The following GUCY1B1 variants were observed in gnomAD, a reference collection of about 807,000 sequenced individuals.
The protein encoded by GUCY1B1 is guanylate cyclase soluble subunit beta-1.
A neutral mutation model predicts 71.0 loss-of-function variants in GUCY1B1; 43 were observed. That is an observed-to-expected ratio of 0.61 (90% CI 0.47 to 0.78). The LOEUF is 0.78. Ranked by LOEUF, GUCY1B1 falls within the 30% of genes least tolerant of loss-of-function variation. The pLI is 0.00. For missense variants in GUCY1B1, 535 were observed against 754.1 expected (o/e 0.71, Z 3.40); for synonymous variants, 266 against 259.7 (o/e 1.02, Z -0.23).
At chr4:155,789,346 C>T (rs1181238280) in intron 4 of GUCY1B1, among the ~76,000 whole-genome samples, 2 of 152,126 alleles carry the variant, frequency 1.3e-5, no homozygotes, top group African/African-American at 4.8e-5. Flanking sequence ...TTGGCCATTC[C>T]CTGTTGTTGA....
chr4:155,802,971 GAGA>G lies in GUCY1B1; in HGVS notation c.1413+395_1413+397del, dbSNP rs759753221. Among the ~76,000 whole-genome samples the G allele has an allele frequency of 5.3e-5, 8 of 152,324 alleles. No homozygotes were observed. The highest frequency in any genetic ancestry group is 6.5e-5 in the Admixed American group (1 of 15,300). ...GTACAGTAAAGAAGTCATGAAGCAT[GAGA>G]AGGACTCAGATTTGCGTTTAGATAA... On this transcript the variant is annotated intron_variant, in intron 10 of 13. Transcript: ENST00000264424. This position sits in a 1 kb window ranked among gnomAD's most constrained non-coding sequence, Gnocchi z 4.3.
At chr4:155,801,098 T>C (rs1322848461) in intron 9 of GUCY1B1, among the ~76,000 whole-genome samples, 1 of 152,218 alleles carries the variant, frequency 6.6e-6, no homozygotes, top group Non-Finnish European at 1.5e-5. Flanking sequence ...CTTCTTTTCC[T>C]AAATTGTCAG....
chr4:155,772,906 A>G (rs1737790809), intron 2 of GUCY1B1, among the ~76,000 whole-genome samples: 1 of 152,250 alleles, frequency 6.6e-6, no homozygotes. Flanking sequence ...TTTTAAGACT[A>G]TCTGCATACT....
chr4:155,787,502 T>C (rs1419519903), intron 4 of GUCY1B1, among the ~76,000 whole-genome samples: 3 of 152,200 alleles, frequency 2.0e-5, no homozygotes, highest in East Asian at 1.9e-4. Flanking sequence ...CATCTTCAGT[T>C]TGAAGTATTT....
At chr4:155,779,464 G>T (rs1450844224) in intron 4 of GUCY1B1, among the ~76,000 whole-genome samples, 1 of 151,978 alleles carries the variant, frequency 6.6e-6, no homozygotes, top group African/African-American at 2.4e-5. Context: ...GATATATTTG[G>T]TTATATAAAA....
chr4:155,800,870 C>T (rs563516699), intron 9 of GUCY1B1, among the ~76,000 whole-genome samples: 1 of 152,180 alleles, frequency 6.6e-6, no homozygotes, highest in South Asian at 2.1e-4. Flanking sequence ...TTAGGACTAA[C>T]GTTCAAAGTC....
At chr4:155,772,465 A>ATC in intron 2 of GUCY1B1, 1 of 391,924 alleles carries the variant, frequency 2.6e-6, no homozygotes. Flanking sequence ...CCCAGGCTGA[A>ATC]ATGCAGTGGC....
intron 2 of GUCY1B1, among the ~76,000 whole-genome samples, chr4:155,761,294 A>G (rs1328391416): frequency 6.6e-6 from 1 of 152,208 alleles, no homozygotes; most frequent in Non-Finnish European, 1.5e-5. Flanking sequence ...TGTTAACAGT[A>G]TAACTTAACT....
At chr4:155,801,831 A>G (rs1222965902) in intron 9 of GUCY1B1, among the ~76,000 whole-genome samples, 1 of 152,152 alleles carries the variant, frequency 6.6e-6, no homozygotes, top group African/African-American at 2.4e-5. Context: ...AGTTTCTTCT[A>G]TGGAGGAGTG....
Position 155,800,060 on chromosome 4 carries a change from GA to G in GUCY1B1, c.1166del (p.Lys389ArgfsTer32). 1 of 1,607,828 alleles carries G rather than the reference GA, an allele frequency of 6.2e-7. No individual in the cohort carries two copies. The highest frequency in any genetic ancestry group is 1.7e-5 in the Admixed American group (1 of 59,244). On this transcript the variant is annotated frameshift_variant, in exon 9 of 14. Transcript: ENST00000264424. LOFTEE classifies it high-confidence loss of function. ...CGTTAAGAGCCCTGGAAGATGAAAAGAAAAAGACAGACACGTAAGAATGTAA... is the reference window on the plus strand; with the variant it reads ...CGTTAAGAGCCCTGGAAGATGAAAAGAAAAGACAGACACGTAAGAATGTAA... ...LTLRALEDEK[K>X]KTDTLLYSVL...
At chr4:155,782,220 C>T (rs1342350792) in intron 4 of GUCY1B1, among the ~76,000 whole-genome samples, 2 of 152,092 alleles carry the variant, frequency 1.3e-5, no homozygotes, top group Non-Finnish European at 2.9e-5. Flanking sequence ...GGACTACAGG[C>T]GCCCGCCACC....
At chr4:155,800,435 T>C (rs1739864586) in intron 9 of GUCY1B1, among the ~76,000 whole-genome samples, 1 of 152,222 alleles carries the variant, frequency 6.6e-6, no homozygotes, top group African/African-American at 2.4e-5. Flanking sequence ...TTCAGTATGC[T>C]GGGGGCTGCC....
intron 2 of GUCY1B1, among the ~76,000 whole-genome samples, chr4:155,761,708 C>T (rs977140371): frequency 1.3e-5 from 2 of 152,172 alleles, no homozygotes; most frequent in African/African-American, 4.8e-5. Flanking sequence ...TCTGCAAAAT[C>T]AAGCTGAGAA....
chr4:155,777,654 G>C lies in GUCY1B1; in HGVS notation c.297+12G>C, dbSNP rs757588342. 2.8e-5 allele frequency: 35 copies of C among 1,262,756 alleles called. No homozygotes were observed. The highest frequency in any genetic ancestry group is 2.4e-4 in the Admixed American group (14 of 59,520). The allele number at this position is 1,262,756 out of a possible 1,614,324, so 78.2% of individuals were successfully genotyped here. A position where few individuals can be genotyped will look rare whatever the true frequency, so the allele number is the denominator to read the frequency against. ...GAGAATTTCTACAGGTAAGCAATTT[G>C]AGGTCCTATAGTTAAAAGTTCTGTG... On this transcript the variant is annotated intron_variant, in intron 4 of 13. Coordinates refer to ENST00000264424, the MANE Select transcript of GUCY1B1 (RefSeq NM_000857.5).
chr4:155,772,833 T>A (rs997711531), intron 2 of GUCY1B1: 27 of 689,506 alleles, frequency 3.9e-5, no homozygotes, highest in East Asian at 1.1e-4. Flanking sequence ...AACATGCTTT[T>A]AAAAAAAAAG....
intron 4 of GUCY1B1, among the ~76,000 whole-genome samples, chr4:155,784,805 A>C (rs1395598197): frequency 6.6e-6 from 1 of 152,204 alleles, no homozygotes. Context: ...CAGGAAAATC[A>C]GGTAGTTGAC....
intron 2 of GUCY1B1, among the ~76,000 whole-genome samples, chr4:155,771,743 A>G (rs1168227426): frequency 6.6e-6 from 1 of 152,194 alleles, no homozygotes; most frequent in African/African-American, 2.4e-5. Context: ...AGAAGCTATA[A>G]AGATATTCAT....
intron 2 of GUCY1B1, among the ~76,000 whole-genome samples, chr4:155,769,932 C>CA: frequency 6.6e-6 from 1 of 151,830 alleles, no homozygotes; most frequent in Non-Finnish European, 1.5e-5. Context: ...AATTGGAGCT[C>CA]AAAAAATAAT....
intron 2 of GUCY1B1, among the ~76,000 whole-genome samples, chr4:155,765,500 T>C (rs535196474): frequency 6.6e-6 from 1 of 152,326 alleles, no homozygotes; most frequent in African/African-American, 2.4e-5. Context: ...TCTTTTTCTG[T>C]GTCAAACTAT....
Sources: gnomAD v4.1 joint callset for allele counts (sites outside exome capture counted in the v4.1 genomes callset) on GRCh38, gnomAD v4.1.1 for gene constraint, Gnocchi (gnomAD v3.1) non-coding constraint, MANE v1.5 for transcripts, NCBI Gene and HGNC (gene_info 2026-07-23, HGNC 2026-07-21) for gene names.